SHLD2: variants seen among roughly 807,000 people sequenced by gnomAD.
The protein encoded by SHLD2 is shieldin complex subunit 2.
In SHLD2, 30 loss-of-function variants were observed where a neutral mutation model predicts 73.2. The ratio of observed to expected loss-of-function variants is 0.41; its 90% CI spans 0.31 to 0.56. SHLD2 has a LOEUF of 0.56. Ranked by LOEUF, SHLD2 falls within the 20% of genes least tolerant of loss-of-function variation. The probability of loss-of-function intolerance (pLI) is 0.28; values close to 1 mark genes in which losing one functional copy is unlikely to be tolerated. For synonymous variants in SHLD2, 285 were observed against 370.1 expected (o/e 0.77, Z 2.64); for missense variants, 745 against 1,055.9 (o/e 0.71, Z 4.08).
chr10:87,172,948 T>A (rs886562706), intron 6 of SHLD2, among the ~76,000 whole-genome samples: 15 of 152,076 alleles, frequency 9.9e-5, no homozygotes, highest in Admixed American at 3.3e-4. Context: ...ATTTCATATG[T>A]GTGTGAGCAT....
At chr10:87,121,976 G>A (rs9420447) in intron 2 of SHLD2, among the ~76,000 whole-genome samples, 48,195 of 151,424 alleles carry the variant, frequency 0.32, 8,427 homozygotes, top group East Asian at 0.74. Context: ...TGTTGGCCAG[G>A]CTGGTCTTGA....
At chr10:87,106,151 C>T (rs576951852) in intron 2 of SHLD2, among the ~76,000 whole-genome samples, 46 of 152,286 alleles carry the variant, frequency 3.0e-4, no homozygotes, top group Middle Eastern at 3.4e-3. Context: ...TTACAGGCAC[C>T]TGCTACCATG....
At chr10:87,097,284 AAGGAG>A (rs1300671125) in intron 2 of SHLD2, among the ~76,000 whole-genome samples, 2 of 152,112 alleles carry the variant, frequency 1.3e-5, no homozygotes, top group East Asian at 3.8e-4. Flanking sequence ...AATTGGGCCT[AAGGAG>A]GTGGCTCACG....
At chr10:87,120,130 G>A (rs4934300) in intron 2 of SHLD2, among the ~76,000 whole-genome samples, 2 of 151,820 alleles carry the variant, frequency 1.3e-5, no homozygotes, top group Non-Finnish European at 2.9e-5. Context: ...TTGCAACTTC[G>A]GTAACCTTGA....
chr10:87,108,574 G>T (rs1370078223), intron 2 of SHLD2, among the ~76,000 whole-genome samples: 1 of 152,068 alleles, frequency 6.6e-6, no homozygotes, highest in Non-Finnish European at 1.5e-5. Flanking sequence ...TAAAGTACTG[G>T]GATTACAGGT....
chr10:87,147,081 AAAAAAAAC>A (rs1845675530), intron 2 of SHLD2, among the ~76,000 whole-genome samples: 1 of 150,008 alleles, frequency 6.7e-6, no homozygotes, highest in African/African-American at 2.4e-5. Context: ...AGAAAAAAAA[AAAAAAAAC>A]AAAAAAACCT....
At chr10:87,119,991 A>G (rs1229146105) in intron 2 of SHLD2, among the ~76,000 whole-genome samples, 1 of 152,102 alleles carries the variant, frequency 6.6e-6, no homozygotes, top group Non-Finnish European at 1.5e-5. Flanking sequence ...CATCCTGAGC[A>G]AAGAAAAAAT....
At chr10:87,102,938 G>A (rs1358927002) in intron 2 of SHLD2, among the ~76,000 whole-genome samples, 1 of 151,720 alleles carries the variant, frequency 6.6e-6, no homozygotes, top group East Asian at 1.9e-4. Flanking sequence ...CTGGCTGGGC[G>A]TGGTGGCTCG....
chr10:87,142,975 G>A (rs1845312888), intron 2 of SHLD2, among the ~76,000 whole-genome samples: 1 of 142,342 alleles, frequency 7.0e-6, no homozygotes, highest in Non-Finnish European at 1.5e-5. Flanking sequence ...TGTCATCCAG[G>A]CTGGAGTGCA....
At chr10:87,155,036 G>A (rs1310076473) in intron 3 of SHLD2, among the ~76,000 whole-genome samples, 1 of 152,110 alleles carries the variant, frequency 6.6e-6, no homozygotes, top group African/African-American at 2.4e-5. Context: ...CCGGGTTCAC[G>A]CCATTTTCCT....
intron 9 of SHLD2, among the ~76,000 whole-genome samples, chr10:87,187,679 C>T (rs1425231488): frequency 5.3e-5 from 8 of 152,270 alleles, no homozygotes; most frequent in African/African-American, 1.4e-4. Flanking sequence ...AATCTGGTTC[C>T]GTGATTGCTT....
intron 3 of SHLD2, among the ~76,000 whole-genome samples, chr10:87,157,477 C>A (rs1000147957): frequency 1.3e-5 from 2 of 152,182 alleles, no homozygotes; most frequent in Non-Finnish European, 2.9e-5. Flanking sequence ...CTACCTGATT[C>A]TACTCTATCC....
chr10:87,123,323 T>C (rs1347024405), intron 2 of SHLD2, among the ~76,000 whole-genome samples: 1 of 151,778 alleles, frequency 6.6e-6, no homozygotes, highest in African/African-American at 2.4e-5. Flanking sequence ...TTTTTCTAAG[T>C]GAGGGTCTCA....
chr10:87,156,216 G>C (rs754582158), intron 3 of SHLD2, among the ~76,000 whole-genome samples: 2 of 151,740 alleles, frequency 1.3e-5, no homozygotes, highest in African/African-American at 4.8e-5. Context: ...ACAGGAGCCC[G>C]CCACCACGCC....
At chr10:87,139,910 G>A in intron 2 of SHLD2, among the ~76,000 whole-genome samples, 1 of 152,142 alleles carries the variant, frequency 6.6e-6, no homozygotes, top group South Asian at 2.1e-4. Context: ...AACTGGATGT[G>A]ATTAACAGCA....
chr10:87,121,766 T>C (rs111327237), intron 2 of SHLD2, among the ~76,000 whole-genome samples: 2,083 of 149,524 alleles, frequency 0.014, 14 homozygotes, highest in African/African-American at 0.015. Context: ...TTCTTTCTTT[T>C]TTTTTTTTTT....
intron 2 of SHLD2, among the ~76,000 whole-genome samples, chr10:87,130,670 G>A (rs1056821174): frequency 1.3e-5 from 2 of 152,186 alleles, no homozygotes; most frequent in African/African-American, 4.8e-5. Flanking sequence ...TTCTGTGGAC[G>A]AAGGTTGGTT....
chr10:87,133,884 T>C (rs1032751929), intron 2 of SHLD2, among the ~76,000 whole-genome samples: 3 of 152,242 alleles, frequency 2.0e-5, no homozygotes, highest in Admixed American at 1.3e-4. Context: ...GAATCATATT[T>C]GCTCCCTATC....
intron 2 of SHLD2, among the ~76,000 whole-genome samples, chr10:87,106,105 G>T (rs1306360668): frequency 6.6e-6 from 1 of 152,238 alleles, no homozygotes; most frequent in Admixed American, 6.5e-5. Context: ...CTGGGTTCAA[G>T]TGATTCTCCT....
Sources: allele counts gnomAD v4.1 joint callset (sites outside exome capture counted in the v4.1 genomes callset), GRCh38; gene constraint gnomAD v4.1.1; transcripts MANE v1.5; gene names NCBI Gene and HGNC (gene_info 2026-07-23, HGNC 2026-07-21).